ESCO1: variants seen among roughly 807,000 people sequenced by gnomAD.
The protein encoded by ESCO1 is N-acetyltransferase ESCO1.
Under a neutral mutation model 83.5 loss-of-function variants are expected in ESCO1, and 33 were observed. That is an observed-to-expected ratio of 0.40 (90% confidence interval 0.30 to 0.53). The LOEUF is 0.53. ESCO1 is among the 20% of genes least tolerant of loss of function. The pLI, the probability that ESCO1 is intolerant of heterozygous loss-of-function variation, is 0.63. For missense variants in ESCO1, 855 were observed against 968.0 expected, an observed-to-expected ratio of 0.88 and a Z score of 1.55; for synonymous variants, 332 against 324.3, an observed-to-expected ratio of 1.02 and a Z score of -0.25.
chr18:21,541,592 C>CA (rs58040604), intron 8 of ESCO1, among the ~76,000 whole-genome samples: 44 of 86,776 alleles, frequency 5.1e-4, no homozygotes, highest in African/African-American at 1.1e-3. Flanking sequence ...GACACTGTCC[C>CA]AAAAAAAAAA....
rs1030630803 is a variant in ESCO1, at chr18:21,529,777, A to G, written c.*566T>C. ...AAAGCTCAATATTCTAATTCTTCCT[A>G]TTTAGCTGGAGCTTTCCTTTTCTAT... is the stretch of plus-strand genomic sequence containing the variant. On this transcript the variant is annotated 3_prime_UTR_variant, in exon 12 of 12. Transcript: ENST00000269214. 2 of 152,326 alleles carry G rather than the reference A, an allele frequency of 1.3e-5. No individual in the cohort carries two copies. The highest frequency in any genetic ancestry group is 1.5e-5 in the Non-Finnish European group (1 of 68,026). 9.4% of individuals were successfully genotyped at this position (152,326 alleles called of 1,614,324 possible). A position where few individuals can be genotyped will look rare whatever the true frequency, so the allele number is the denominator to read the frequency against.
At chr18:21,532,302 C>T (rs1475831165) in intron 11 of ESCO1, among the ~76,000 whole-genome samples, 171 bp downstream of exon 11, 1 of 152,174 alleles carries the variant, frequency 6.6e-6, no homozygotes, top group Non-Finnish European at 1.5e-5. Flanking sequence ...CCTCACATTA[C>T]ATTCTCATAA....
chr18:21,550,888 G>A (rs1013382478), intron 8 of ESCO1, among the ~76,000 whole-genome samples: 22 of 151,016 alleles, frequency 1.5e-4, no homozygotes, highest in African/African-American at 3.7e-4. Flanking sequence ...CGAGATGGGC[G>A]GATCACGAGG....
At chr18:21,566,262 C>A in intron 5 of ESCO1, 56 bp from the exon 6 acceptor site, 1 of 1,482,460 alleles carries the variant, frequency 6.7e-7, no homozygotes, top group Non-Finnish European at 9.2e-7. Flanking sequence ...AGTTTTCCAT[C>A]TAATGGATAA....
At chr18:21,540,573 C>A in intron 8 of ESCO1, 1 of 1,311,920 alleles carries the variant, frequency 7.6e-7, no homozygotes, top group Non-Finnish European at 9.9e-7. Flanking sequence ...AAAAATATAA[C>A]TACCTTCTAA....
chr18:21,530,514 G>A (rs2037754118), intron 11 of ESCO1, 24 bp from the exon 12 acceptor site: 6 of 1,383,110 alleles, frequency 4.3e-6, no homozygotes, highest in African/African-American at 1.6e-5. Flanking sequence ...ATGGGGGGGG[G>A]GAAGGGTTAA....
chr18:21,576,871 A>C (rs1032797516), intron 2 of ESCO1, among the ~76,000 whole-genome samples: 14 of 152,056 alleles, frequency 9.2e-5, no homozygotes, highest in African/African-American at 3.4e-4. Flanking sequence ...CGTCTCTACT[A>C]AAAACACAAA....
intron 1 of ESCO1, among the ~76,000 whole-genome samples, chr18:21,592,735 G>A (rs1459635443): frequency 1.4e-5 from 2 of 144,654 alleles, no homozygotes; most frequent in Non-Finnish European, 3.0e-5. Context: ...CCGGGCGGAG[G>A]GGCTCCTCAC....
In ESCO1 at chr18:21,573,359, T is replaced by TGG; in HGVS notation, c.1483_1484dup (p.Leu496HisfsTer6). ...AAGAATGTTTCATCTGATTATCCAA[T>TGG]GGTGGGTCAGAAGGTTTTATCTCAT... On this transcript the variant is annotated frameshift_variant, in exon 4 of 12. Transcript: ENST00000269214. LOFTEE classifies it high-confidence loss of function. 1 of 1,592,006 alleles carries TGG rather than the reference T, an allele frequency of 6.3e-7. No homozygotes were observed. The highest frequency in any genetic ancestry group is 8.5e-7 in the Non-Finnish European group (1 of 1,174,908).
intron 9 of ESCO1, among the ~76,000 whole-genome samples, chr18:21,539,300 A>ATTTGT (rs1448518190): frequency 2.0e-5 from 3 of 152,092 alleles, no homozygotes; most frequent in Non-Finnish European, 2.9e-5. Context: ...TGATCGTGAA[A>ATTTGT]TCTTTTAGTT....
intron 1 of ESCO1, among the ~76,000 whole-genome samples, chr18:21,598,266 GCATA>G (rs2038792609): frequency 6.6e-6 from 1 of 152,180 alleles, no homozygotes; most frequent in Admixed American, 6.5e-5. Flanking sequence ...AATCAGCTCT[GCATA>G]ATAAATTACC....
intron 1 of ESCO1, chr18:21,593,029 G>T (rs1438402534): frequency 1.3e-4 from 21 of 159,394 alleles, no homozygotes; most frequent in Non-Finnish European, 1.7e-4. Context: ...TTCCTAGATG[G>T]GATGGCGGCC....
chr18:21,558,642 G>T (rs2038142692), intron 8 of ESCO1, among the ~76,000 whole-genome samples: 1 of 149,476 alleles, frequency 6.7e-6, no homozygotes, highest in African/African-American at 2.5e-5. Flanking sequence ...CAGGAGAACT[G>T]CTTGAACCCA....
At chr18:21,536,804 A>G (rs1172725765) in intron 9 of ESCO1, among the ~76,000 whole-genome samples, 1 of 152,120 alleles carries the variant, frequency 6.6e-6, no homozygotes, top group Admixed American at 6.6e-5. Context: ...TGTGAATTGA[A>G]GAGAACTTCA....
intron 8 of ESCO1, among the ~76,000 whole-genome samples, chr18:21,541,610 A>C (rs2146175517): frequency 6.8e-6 from 1 of 146,946 alleles, no homozygotes; most frequent in African/African-American, 2.7e-5. Context: ...AAAAAAAAAA[A>C]AGAAAGAAAG....
intron 9 of ESCO1, among the ~76,000 whole-genome samples, chr18:21,537,781 G>C (rs1278667542): frequency 3.9e-5 from 6 of 152,196 alleles, no homozygotes; most frequent in Non-Finnish European, 7.3e-5. Context: ...ATATATGGTA[G>C]TGTAGCAAAA....
Position 21,560,815 on chromosome 18 carries a change from A to C in ESCO1, c.1953+44T>G, listed in dbSNP as rs200202704. The C allele has an allele frequency of 3.5e-5, 55 of 1,587,890 alleles. No individual in the cohort carries two copies. The East Asian group carries it at 5.8e-4, about 17-fold the overall frequency. The stretch of plus-strand genomic sequence containing the variant: ...ACTCATCTCATTAAGAGACCGACCT[A>C]ATTATCTGATTTTTGCATTTTAGAA... On this transcript the variant is annotated intron_variant, in intron 8 of 11. Transcript: ENST00000269214.
chr18:21,533,412 C>A (rs2037792860), intron 10 of ESCO1, among the ~76,000 whole-genome samples: 1 of 152,008 alleles, frequency 6.6e-6, no homozygotes, highest in African/African-American at 2.4e-5. Flanking sequence ...TCTCATGCCT[C>A]AGCCTCCCAA....
intron 8 of ESCO1, among the ~76,000 whole-genome samples, chr18:21,555,683 T>C (rs1253300837): frequency 6.6e-6 from 1 of 152,026 alleles, no homozygotes; most frequent in African/African-American, 2.4e-5. Flanking sequence ...TCGCCTGTAG[T>C]GGCAGCTGCT....
Sources: allele counts gnomAD v4.1 joint callset (sites outside exome capture counted in the v4.1 genomes callset), GRCh38; gene constraint gnomAD v4.1.1; transcripts MANE v1.5; gene names NCBI Gene and HGNC (gene_info 2026-07-23, HGNC 2026-07-21).